The following ACSM2B variants were observed in gnomAD, a reference collection of about 807,000 sequenced individuals.
The protein encoded by ACSM2B is acyl-coenzyme A synthetase ACSM2B, mitochondrial.
In ACSM2B, 58 loss-of-function variants were observed where a neutral mutation model predicts 78.6. The ratio of observed to expected loss-of-function variants is 0.74; its 90% CI spans 0.60 to 0.92. The LOEUF (loss-of-function observed/expected upper bound fraction) is 0.92. Among genes scored for constraint, ACSM2B ranks in the 40% least tolerant of loss-of-function variants. The probability of loss-of-function intolerance (pLI) is 0.00; values close to 1 mark genes in which losing one functional copy is unlikely to be tolerated. For missense variants in ACSM2B, 688 were observed against 711.2 expected (o/e 0.97, Z 0.37); for synonymous variants, 257 against 256.8 (o/e 1.00, Z -0.01).
intron 1 of ACSM2B, among the ~76,000 whole-genome samples, chr16:20,567,884 T>G (rs2015976868): frequency 7.0e-6 from 1 of 143,104 alleles, no homozygotes; most frequent in Non-Finnish European, 1.5e-5. Flanking sequence ...TACTATACTA[T>G]TATATAGTGT....
rs115961954 is a variant in ACSM2B, at chr16:20,537,502, A to G, written c.1630-140T>C. On this transcript the variant is annotated intron_variant, in intron 13 of 13. Coordinates refer to ENST00000329697, the MANE Select transcript of ACSM2B (RefSeq NM_001105069.2). ...GCCGCCCTGTGCAATAAGAAGCTTC[A>G]GAAGGTGCTCTGGGATGAGGACAAT... The G allele has an allele frequency of 2.2e-3, 1,886 of 863,980 alleles. 27 individuals are homozygous for G. In the African/African-American group the frequency reaches 0.029, roughly 13 times the overall value. 53.5% of individuals were successfully genotyped at this position (863,980 alleles called of 1,614,324 possible).
rs1474594076 is a variant in ACSM2B at position 20,543,246 on chromosome 16, G to A, written c.1298C>T (p.Thr433Ile). The change falls in exon 11 of 14, where the codon ACA (threonine) becomes ATA (isoleucine). Residue 433 changes from threonine (T) to isoleucine (I), a missense_variant. By Grantham distance (89) the Thr-to-Ile change is moderately conservative. Coordinates refer to ENST00000329697, the MANE Select transcript of ACSM2B (RefSeq NM_001105069.2). ...FSGYVENPDKTAANIRGDFWL... is the reference protein window; with the variant it reads ...FSGYVENPDKIAANIRGDFWL... ...AAAGTCTCCTCGAATGTTGGCTGCT[G>A]TCTTGTCGGGATTTTCCTGGTGACC... The A allele has an allele frequency of 4.3e-6, 7 of 1,612,266 alleles. No homozygotes were observed. In the East Asian group the frequency reaches 8.9e-5, roughly 21 times the overall value.
At chr16:20,557,987 C>T (rs527812696) in intron 3 of ACSM2B, among the ~76,000 whole-genome samples, 2 of 152,278 alleles carry the variant, frequency 1.3e-5, no homozygotes, top group African/African-American at 4.8e-5. Flanking sequence ...TAATAGCTCC[C>T]TCCTGAAACT....
chr16:20,559,357 T>C lies in ACSM2B; in HGVS notation c.268A>G (p.Ser90Gly). 6.2e-7 allele frequency: 1 copy of C among 1,610,254 alleles called. No homozygotes were observed. Residue 90 changes from serine to glycine, a missense_variant, in exon 3 of 14, where the codon AGC becomes GGC. Physicochemically the swap from Ser to Gly is moderately conservative, Grantham distance 56 (BLOSUM62 0). Transcript: ENST00000329697. ...MWNFRELSEN[S>G]QQAANILSGA... Reference sequence around the variant, plus strand: ...GAGAGGATGTTGGCTGCCTGCTGGCTGTTTTCACTCAGTTCTCTGAAATTC... The same window carrying C: ...GAGAGGATGTTGGCTGCCTGCTGGCCGTTTTCACTCAGTTCTCTGAAATTC...
intron 1 of ACSM2B, among the ~76,000 whole-genome samples, chr16:20,568,550 T>C (rs2016001695): frequency 6.6e-6 from 1 of 151,476 alleles, no homozygotes; most frequent in Admixed American, 6.6e-5. Flanking sequence ...GTGACTTCTT[T>C]CGTATAATGA....
chr16:20,538,043 G>C (rs781145029), intron 13 of ACSM2B, among the ~76,000 whole-genome samples: 19 of 152,158 alleles, frequency 1.2e-4, no homozygotes, highest in Non-Finnish European at 2.8e-4. Flanking sequence ...CAAAGATATG[G>C]ATGATAAAGA....
At chr16:20,558,367 C>A (rs2015541250) in intron 3 of ACSM2B, among the ~76,000 whole-genome samples, 1 of 145,622 alleles carries the variant, frequency 6.9e-6, no homozygotes, top group South Asian at 2.3e-4. Context: ...GCCAAAGCAT[C>A]CTTGAAAAAC....
intron 3 of ACSM2B, among the ~76,000 whole-genome samples, chr16:20,557,012 T>A (rs910709776): frequency 2.4e-4 from 37 of 152,056 alleles, no homozygotes; most frequent in African/African-American, 8.2e-4. Context: ...GTCCCCAGAA[T>A]ATGCGGCGGG....
chr16:20,567,346 AATATATT>A (rs202002300), intron 1 of ACSM2B, among the ~76,000 whole-genome samples: 40,406 of 113,184 alleles, frequency 0.36, 9,550 homozygotes, highest in East Asian at 0.86. Context: ...ATTATATATA[AATATATT>A]ATATATTATA....
At chr16:20,539,900 C>A (rs145706482) in intron 13 of ACSM2B, among the ~76,000 whole-genome samples, 8,916 of 147,482 alleles carry the variant, frequency 0.06, 366 homozygotes, top group East Asian at 0.19. Flanking sequence ...AAGAGAGACA[C>A]CTGACCACAT....
intron 2 of ACSM2B, among the ~76,000 whole-genome samples, chr16:20,563,419 C>T (rs1256907508): frequency 6.6e-6 from 1 of 151,970 alleles, no homozygotes; most frequent in African/African-American, 2.4e-5. Context: ...ATATTTTCTC[C>T]ATGGTTTTCA....
intron 9 of ACSM2B, among the ~76,000 whole-genome samples, chr16:20,546,165 A>G (rs1235024347): frequency 1.3e-5 from 2 of 152,116 alleles, no homozygotes; most frequent in Admixed American, 1.3e-4. Context: ...AATTTGCTAG[A>G]TATTCAAAGT....
chr16:20,550,039 C>T (rs1170908635), intron 6 of ACSM2B, among the ~76,000 whole-genome samples: 1 of 151,902 alleles, frequency 6.6e-6, no homozygotes, highest in Non-Finnish European at 1.5e-5. Context: ...GATGTTAATA[C>T]CAGAAAGGTA....
intron 2 of ACSM2B, among the ~76,000 whole-genome samples, chr16:20,561,465 A>G (rs2152142753): frequency 6.6e-6 from 1 of 151,574 alleles, no homozygotes; most frequent in East Asian, 2.0e-4. Context: ...TAAAACAACA[A>G]GATCTCTCAT....
chr16:20,570,523 T>C (rs1452015167), intron 1 of ACSM2B, among the ~76,000 whole-genome samples: 3 of 151,966 alleles, frequency 2.0e-5, no homozygotes, highest in African/African-American at 7.2e-5. Flanking sequence ...TGCAGTTTTC[T>C]TTTTTTGTTA....
intron 1 of ACSM2B, among the ~76,000 whole-genome samples, chr16:20,572,774 A>T (rs60612982): frequency 0.1 from 14,959 of 149,930 alleles, 1,163 homozygotes; most frequent in African/African-American, 0.26. Context: ...TCATTGAAAA[A>T]TTTTTTTTTC....
At chr16:20,552,014 A>G in intron 6 of ACSM2B, 130 bp downstream of exon 6, 1 of 1,452,916 alleles carries the variant, frequency 6.9e-7, no homozygotes, top group Non-Finnish European at 9.2e-7. Context: ...CATCTCGTTT[A>G]CTGAACACTG....
intron 4 of ACSM2B, among the ~76,000 whole-genome samples, chr16:20,554,633 A>G (rs1404685712): frequency 6.6e-6 from 1 of 152,186 alleles, no homozygotes; most frequent in Non-Finnish European, 1.5e-5. Context: ...AGGTCTTTCC[A>G]TGCTATCAAC....
At chr16:20,543,286 T>A (rs1251054768) in intron 10 of ACSM2B, 24 bp from the exon 11 acceptor site, 1 of 1,612,758 alleles carries the variant, frequency 6.2e-7, no homozygotes, top group Non-Finnish European at 8.5e-7. Context: ...AAAGACAGAG[T>A]CATTGTGCCT....
Sources: allele counts gnomAD v4.1 joint callset (sites outside exome capture counted in the v4.1 genomes callset), GRCh38; gene constraint gnomAD v4.1.1; transcripts MANE v1.5; gene names NCBI Gene and HGNC (gene_info 2026-07-23, HGNC 2026-07-21).